ZBTB20: variants seen among roughly 807,000 people sequenced by gnomAD.
ZBTB20 encodes the protein zinc finger and BTB domain-containing protein 20.
In ZBTB20, 9 loss-of-function variants were observed where a neutral mutation model predicts 56.9. The ratio of observed to expected loss-of-function variants is 0.16; its 90% CI spans 0.10 to 0.28. The LOEUF is 0.28. Among genes scored for constraint, ZBTB20 ranks in the 10% least tolerant of loss-of-function variants. The pLI is 1.00. For missense variants in ZBTB20, 655 were observed against 1,003.0 expected (o/e 0.65, Z 4.69); for synonymous variants, 417 against 420.7 (o/e 0.99, Z 0.11).
intron 7 of ZBTB20, among the ~76,000 whole-genome samples, chr3:114,490,606 TTAAA>T (rs1407183228): frequency 7.2e-5 from 11 of 152,276 alleles, no homozygotes; most frequent in African/African-American, 2.4e-4. Flanking sequence ...TCCAGCCCTC[TTAAA>T]TAAATAGCTT....
At chr3:114,427,453 T>C (rs2089771333) in intron 7 of ZBTB20, among the ~76,000 whole-genome samples, 1 of 152,186 alleles carries the variant, frequency 6.6e-6, no homozygotes, top group Non-Finnish European at 1.5e-5. Flanking sequence ...TCCATCTAAT[T>C]TCTCCCATTC....
intron 5 of ZBTB20, among the ~76,000 whole-genome samples, chr3:114,799,282 C>T (rs1490196162): frequency 6.6e-6 from 1 of 151,872 alleles, no homozygotes; most frequent in Non-Finnish European, 1.5e-5. Flanking sequence ...ATATAAAACA[C>T]ACAACTTAAG....
chr3:114,733,319 C>G (rs2065895721), intron 5 of ZBTB20, among the ~76,000 whole-genome samples: 1 of 152,164 alleles, frequency 6.6e-6, no homozygotes, highest in Non-Finnish European at 1.5e-5. Context: ...TACCTGGATA[C>G]CCAACGCCTG....
chr3:114,536,216 G>T (rs564692791), intron 6 of ZBTB20, among the ~76,000 whole-genome samples: 1 of 152,282 alleles, frequency 6.6e-6, no homozygotes, highest in South Asian at 2.1e-4. Context: ...TTGTCTGTTT[G>T]CAGATGACAT....
chr3:114,607,303 A>ATT (rs34327675), intron 6 of ZBTB20, among the ~76,000 whole-genome samples: 10,047 of 135,512 alleles, frequency 0.074, 483 homozygotes, highest in African/African-American at 0.14. Flanking sequence ...CTGTTCATTC[A>ATT]TTTTTTTTTT....
chr3:114,778,959 G>A (rs2069848872), intron 5 of ZBTB20, among the ~76,000 whole-genome samples: 1 of 152,116 alleles, frequency 6.6e-6, no homozygotes, highest in Non-Finnish European at 1.5e-5. Flanking sequence ...AGTACCAGGA[G>A]GCTAAAGAAA....
At position 114,732,469 on chromosome 3, in the gene ZBTB20, C is replaced by T. The variant is rs115330231; in HGVS notation, c.-342-38894G>A. On this transcript the variant is annotated intron_variant, in intron 5 of 11. Transcript: ENST00000675478. ...TTGTCCTAGAGTCCCTGACTGTGCC[C>T]GTAGAGGAAAATGTACTATGATTAG... Among the ~76,000 whole-genome samples the T allele has an allele frequency of 3.8e-3, 575 of 152,184 alleles. 1 individual carries two copies. The highest frequency in any genetic ancestry group is 6.7e-3 in the Non-Finnish European group (453 of 67,990).
At chr3:114,551,160 C>A (rs1378993433) in intron 6 of ZBTB20, among the ~76,000 whole-genome samples, 5 of 151,932 alleles carry the variant, frequency 3.3e-5, no homozygotes, top group Non-Finnish European at 7.4e-5. Flanking sequence ...GTTTTTTAAT[C>A]GATTAAAAAT....
At chr3:114,805,495 C>T (rs1484487749) in intron 4 of ZBTB20, among the ~76,000 whole-genome samples, 3 of 75,252 alleles carry the variant, frequency 4.0e-5, no homozygotes, top group African/African-American at 8.3e-5. Context: ...GGTGATGTGC[C>T]CTTCTTATAA....
intron 10 of ZBTB20, among the ~76,000 whole-genome samples, chr3:114,373,624 C>T (rs12491672): frequency 0.29 from 44,357 of 151,846 alleles, 8,106 homozygotes; most frequent in Non-Finnish European, 0.4. Context: ...GAGGCTCTTT[C>T]CTCGGGGGCT....
chr3:114,881,734 T>C (rs556347444), intron 4 of ZBTB20, among the ~76,000 whole-genome samples: 2 of 151,932 alleles, frequency 1.3e-5, no homozygotes, highest in African/African-American at 4.8e-5. Context: ...ATCGCTGCCT[T>C]CCTAAAAAGT....
At chr3:114,665,443 C>G (rs1338853547) in intron 6 of ZBTB20, among the ~76,000 whole-genome samples, 23 of 151,940 alleles carry the variant, frequency 1.5e-4, no homozygotes, top group Non-Finnish European at 5.9e-5. Context: ...CAGATTGTAT[C>G]CCCATCATCA....
At chr3:114,938,870 CAG>C (rs1338473977) in intron 3 of ZBTB20, among the ~76,000 whole-genome samples, 1 of 145,768 alleles carries the variant, frequency 6.9e-6, no homozygotes, top group Non-Finnish European at 1.5e-5. Flanking sequence ...TGAACATGTA[CAG>C]AGTTTTTTCC....
intron 7 of ZBTB20, among the ~76,000 whole-genome samples, chr3:114,481,265 T>TAA (rs376629043): frequency 0.65 from 95,573 of 146,324 alleles, 31,817 homozygotes; most frequent in Non-Finnish European, 0.73. Flanking sequence ...AAGGATACAT[T>TAA]AAAAAAAAAA....
intron 7 of ZBTB20, among the ~76,000 whole-genome samples, chr3:114,477,635 A>G (rs939552899): frequency 9.3e-5 from 14 of 150,946 alleles, no homozygotes; most frequent in Non-Finnish European, 1.8e-4. Flanking sequence ...ATCTGGGATT[A>G]CAGGCGCCCA....
chr3:114,574,690 C>G (rs1028847790), intron 6 of ZBTB20, among the ~76,000 whole-genome samples: 2 of 152,192 alleles, frequency 1.3e-5, no homozygotes, highest in Non-Finnish European at 2.9e-5. Context: ...TCTGCCTGGT[C>G]TGTATTCCAG....
chr3:114,482,520 T>C (rs1416209144), intron 7 of ZBTB20, among the ~76,000 whole-genome samples: 1 of 152,232 alleles, frequency 6.6e-6, no homozygotes, highest in African/African-American at 2.4e-5. Context: ...GTAGATTTTC[T>C]GAATAGGAGA....
At chr3:115,063,651 CAACACA>C (rs2082093638) in intron 2 of ZBTB20, among the ~76,000 whole-genome samples, 1 of 59,306 alleles carries the variant, frequency 1.7e-5, no homozygotes, top group Non-Finnish European at 3.6e-5. Flanking sequence ...ATTGTCAAAG[CAACACA>C]CACACACACA....
chr3:114,865,415 T>C (rs1272231845), intron 4 of ZBTB20, among the ~76,000 whole-genome samples: 1 of 152,114 alleles, frequency 6.6e-6, no homozygotes, highest in Non-Finnish European at 1.5e-5. Flanking sequence ...GAAAGAAATA[T>C]TTGGTCCTAG....
Sources: allele counts gnomAD v4.1 joint callset (sites outside exome capture counted in the v4.1 genomes callset), GRCh38; gene constraint gnomAD v4.1.1; transcripts MANE v1.5; gene names NCBI Gene and HGNC (gene_info 2026-07-23, HGNC 2026-07-21).